CSMD3: variants seen among roughly 807,000 people sequenced by gnomAD.
CSMD3 encodes the protein CUB and sushi domain-containing protein 3.
CSMD3 carries 177 observed loss-of-function variants against 435.2 expected under a neutral mutation model. The observed-to-expected ratio is 0.41, with a 90% CI of 0.36 to 0.46. The LOEUF is 0.46. Among genes scored for constraint, CSMD3 ranks in the 20% least tolerant of loss-of-function variants. The pLI is 0.34. For missense variants in CSMD3, 4,265 were observed against 4,504.6 expected (o/e 0.95, Z 1.52); for synonymous variants, 1,656 against 1,520.5 (o/e 1.09, Z -2.07).
chr8:113,049,084 C>T (rs1034159226), intron 5 of CSMD3, among the ~76,000 whole-genome samples: 1 of 152,004 alleles, frequency 6.6e-6, no homozygotes, highest in Non-Finnish European at 1.5e-5. Context: ...AGTAAAACTA[C>T]AAAAATAAGG....
In CSMD3 at chr8:112,997,548, T is replaced by C. The variant is rs141140403; in HGVS notation, c.1031-21400A>G. Among the ~76,000 whole-genome samples, 533 of 151,740 alleles carry C rather than the reference T, an allele frequency of 3.5e-3. 4 individuals are homozygous for C. Among genetic ancestry groups the C allele is most frequent in the African/African-American group, 0.011 (459 of 41,500 alleles). On this transcript the variant is annotated intron_variant, in intron 6 of 70. Transcript: ENST00000297405. ...GAATTTACAGCCATCAGAATAATGA[T>C]ACAACTGTAAAGAATAAATAAAGGT... is the stretch of plus-strand genomic sequence containing the variant.
intron 6 of CSMD3, among the ~76,000 whole-genome samples, chr8:112,996,262 C>T (rs1016543337): frequency 6.6e-6 from 1 of 151,528 alleles, no homozygotes; most frequent in East Asian, 1.9e-4. Flanking sequence ...TCCCAACCTC[C>T]GACCCTAGCC....
At chr8:113,361,568 AAGTT>A (rs998439334) in intron 1 of CSMD3, among the ~76,000 whole-genome samples, 3 of 152,118 alleles carry the variant, frequency 2.0e-5, no homozygotes, top group African/African-American at 7.2e-5. Context: ...TGGTCATAAA[AAGTT>A]AGACAAGACA....
intron 4 of CSMD3, among the ~76,000 whole-genome samples, chr8:113,130,663 G>C (rs2091261476): frequency 6.6e-6 from 1 of 152,132 alleles, no homozygotes; most frequent in South Asian, 2.1e-4. Context: ...GTGGCACACT[G>C]CTATAAAGGT....
Position 112,873,718 on chromosome 8 carries a change from C to A in CSMD3, c.1634-14452G>T, listed in dbSNP as rs186682559. On this transcript the variant is annotated intron_variant, in intron 10 of 70. Coordinates refer to ENST00000297405, the MANE Select transcript of CSMD3 (RefSeq NM_198123.2). ...TTTGTGTAGAGGATTTTATAGTATTCTCTGATGGTAGTTTGTATTTCTGTG... is the reference window on the plus strand; with the variant it reads ...TTTGTGTAGAGGATTTTATAGTATTATCTGATGGTAGTTTGTATTTCTGTG... Among the ~76,000 whole-genome samples the A allele has an allele frequency of 2.7e-3, 416 of 152,098 alleles. 1 individual carries two copies. The highest frequency in any genetic ancestry group is 4.6e-3 in the Non-Finnish European group (313 of 67,948).
intron 10 of CSMD3, among the ~76,000 whole-genome samples, chr8:112,890,029 T>C (rs899360838): frequency 1.3e-5 from 2 of 151,696 alleles, no homozygotes; most frequent in Non-Finnish European, 3.0e-5. Context: ...GAAATGAATA[T>C]AGTTTTAAGA....
intron 22 of CSMD3, among the ~76,000 whole-genome samples, chr8:112,606,392 GA>G (rs1832794762): frequency 6.6e-6 from 1 of 152,178 alleles, no homozygotes; most frequent in South Asian, 2.1e-4. Flanking sequence ...TGGAAAGAGA[GA>G]AGGGAGGCTG....
chr8:113,199,783 C>T (rs2092698409), intron 3 of CSMD3, among the ~76,000 whole-genome samples: 1 of 151,470 alleles, frequency 6.6e-6, no homozygotes, highest in Admixed American at 6.6e-5. Context: ...TTATAATTTC[C>T]ATAGCTATCC....
chr8:112,281,377 A>G (rs745883474), intron 58 of CSMD3, 27 bp from the exon 59 acceptor site: 1 of 1,587,232 alleles, frequency 6.3e-7, no homozygotes, highest in East Asian at 2.2e-5. Context: ...TTAAGAGTAT[A>G]TATAAAAAAT....
chr8:112,804,138 G>C (rs1043144476), intron 12 of CSMD3, among the ~76,000 whole-genome samples: 1 of 152,172 alleles, frequency 6.6e-6, no homozygotes, highest in African/African-American at 2.4e-5. Flanking sequence ...TCCATTAGCA[G>C]TTTGTTGAGG....
chr8:113,432,921 C>T (rs1416811177), intron 1 of CSMD3, among the ~76,000 whole-genome samples: 1 of 152,180 alleles, frequency 6.6e-6, no homozygotes, highest in African/African-American at 2.4e-5. Flanking sequence ...ATTCATGTGT[C>T]CTCCTCCCAG....
intron 3 of CSMD3, among the ~76,000 whole-genome samples, chr8:113,216,155 T>A (rs1320187460): frequency 1.3e-5 from 2 of 151,762 alleles, no homozygotes; most frequent in Non-Finnish European, 2.9e-5. Context: ...ATTTCAAAAA[T>A]CTAAAAAAAA....
chr8:112,683,028 TTTTA>T (rs969216527), intron 15 of CSMD3, among the ~76,000 whole-genome samples: 1 of 151,962 alleles, frequency 6.6e-6, no homozygotes, highest in African/African-American at 2.4e-5. Flanking sequence ...CTTTGGAAAC[TTTTA>T]TTTATTTTTC....
At chr8:113,007,969 T>C (rs1279571435) in intron 6 of CSMD3, among the ~76,000 whole-genome samples, 1 of 151,836 alleles carries the variant, frequency 6.6e-6, no homozygotes, top group Admixed American at 6.6e-5. Context: ...TATAAAGAAA[T>C]GAGAAATATT....
At chr8:112,281,792 T>G (rs924262717) in intron 58 of CSMD3, among the ~76,000 whole-genome samples, 2 of 152,188 alleles carry the variant, frequency 1.3e-5, no homozygotes, top group South Asian at 4.1e-4. Context: ...ATTTTAATAT[T>G]GTAAGCATCT....
intron 46 of CSMD3, among the ~76,000 whole-genome samples, chr8:112,319,310 GTTTC>G (rs527769281): frequency 7.5e-4 from 114 of 152,136 alleles, no homozygotes; most frequent in African/African-American, 2.6e-3. Context: ...GTCACTGATA[GTTTC>G]TTTGTGTGTC....
intron 1 of CSMD3, among the ~76,000 whole-genome samples, chr8:113,349,853 C>G (rs973027965): frequency 6.6e-6 from 1 of 151,954 alleles, no homozygotes; most frequent in African/African-American, 2.4e-5. Context: ...GTCACTCCCC[C>G]CGTTAAGATA....
At chr8:112,691,595 T>TA (rs1400754376) in intron 13 of CSMD3, among the ~76,000 whole-genome samples, 30 of 152,242 alleles carry the variant, frequency 2.0e-4, no homozygotes, top group African/African-American at 7.2e-4. Flanking sequence ...TTTCAAGGTT[T>TA]GCTGGTAGTT....
intron 2 of CSMD3, among the ~76,000 whole-genome samples, chr8:113,303,197 CT>C (rs2093788011): frequency 1.4e-5 from 2 of 143,976 alleles, no homozygotes; most frequent in African/African-American, 5.2e-5. Context: ...AGGAATCCAA[CT>C]TACAAGGGAT....
Sources: gnomAD v4.1 joint callset for allele counts (sites outside exome capture counted in the v4.1 genomes callset) on GRCh38, gnomAD v4.1.1 for gene constraint, MANE v1.5 for transcripts, NCBI Gene and HGNC (gene_info 2026-07-23, HGNC 2026-07-21) for gene names.